Variants in NUP58 observed in about 807,000 individuals in gnomAD.
NUP58 encodes the protein nucleoporin p58/p45.
In NUP58, 17 loss-of-function variants were observed where a neutral mutation model predicts 70.1. The ratio of observed to expected loss-of-function variants is 0.24; its 90% CI spans 0.17 to 0.36. The LOEUF is 0.36. Ranked by LOEUF, NUP58 falls within the 10% of genes least tolerant of loss-of-function variation. The probability of loss-of-function intolerance (pLI) is 1.00; values close to 1 mark genes in which losing one functional copy is unlikely to be tolerated. For synonymous variants in NUP58, 275 were observed against 257.6 expected, an observed-to-expected ratio of 1.07 and a Z score of -0.65; for missense variants, 644 against 701.5, an observed-to-expected ratio of 0.92 and a Z score of 0.93.
At chr13:25,304,647 G>C (rs953257864) in intron 1 of NUP58, among the ~76,000 whole-genome samples, 3 of 150,646 alleles carry the variant, frequency 2.0e-5, no homozygotes, top group Non-Finnish European at 4.4e-5. Context: ...CTCCCAAATA[G>C]CTGGGATTAC....
At chr13:25,329,909 A>G (rs2031543383) in intron 12 of NUP58, among the ~76,000 whole-genome samples, 1 of 152,090 alleles carries the variant, frequency 6.6e-6, no homozygotes, top group Non-Finnish European at 1.5e-5. Context: ...TGCAGCCTCA[A>G]TCTCCTGGGC....
rs2031162465 is a variant in NUP58, at chr13:25,321,071, A to G, written c.929A>G (p.Lys310Arg). 3.1e-6 allele frequency: 5 copies of G among 1,588,120 alleles called. No individual in the cohort carries two copies. The highest frequency in any genetic ancestry group is 1.9e-5 in the Admixed American group (1 of 52,804). ...GIQRNTLNID[K>R]LKIETAQELK... ...CAGAGAAACACTCTCAACATTGACA[A>G]ATTGAAAATAGAAACTGCTCAGGTA... Residue 310 changes from lysine (K) to arginine (R), a missense_variant, in exon 9 of 16, where the codon AAA becomes AGA. By Grantham distance (26) the Lys-to-Arg change is conservative. Coordinates refer to ENST00000381736, the MANE Select transcript of NUP58 (RefSeq NM_014089.4).
chr13:25,312,244 A>C (rs906048167), intron 3 of NUP58, among the ~76,000 whole-genome samples: 1 of 152,200 alleles, frequency 6.6e-6, no homozygotes, highest in African/African-American at 2.4e-5. Context: ...GGTTATTGAT[A>C]GAGTATTAGA....
At chr13:25,305,334 TTTTG>T (rs2030294217) in intron 1 of NUP58, among the ~76,000 whole-genome samples, 1 of 151,816 alleles carries the variant, frequency 6.6e-6, no homozygotes, top group African/African-American at 2.4e-5. Context: ...TTTGGAAGTT[TTTTG>T]TTGTTGTTTT....
intron 12 of NUP58, 121 bp downstream of exon 12, chr13:25,327,633 G>C: frequency 1.8e-4 from 101 of 564,600 alleles, no homozygotes; most frequent in Middle Eastern, 3.6e-4. Context: ...GTGAAAAGAT[G>C]AAAACTACTA....
At chr13:25,301,990 G>C in intron 1 of NUP58, 110 bp downstream of exon 1, 1 of 719,256 alleles carries the variant, frequency 1.4e-6, no homozygotes, top group African/African-American at 1.8e-5. Flanking sequence ...CTTCCCAGTG[G>C]GGCTGGAGAG....
intron 2 of NUP58, 23 bp downstream of exon 2, chr13:25,307,971 G>A: frequency 6.2e-7 from 1 of 1,611,744 alleles, no homozygotes; most frequent in Non-Finnish European, 8.5e-7. Context: ...TGATCACATT[G>A]TCAGAGAGTA....
chr13:25,323,412 A>C (rs1440152043), intron 9 of NUP58, among the ~76,000 whole-genome samples: 1 of 151,970 alleles, frequency 6.6e-6, no homozygotes, highest in African/African-American at 2.4e-5. Flanking sequence ...CATGCTCACC[A>C]GGTCAAAGGG....
chr13:25,330,966 A>G (rs954732287), intron 12 of NUP58, among the ~76,000 whole-genome samples: 6 of 151,986 alleles, frequency 3.9e-5, no homozygotes, highest in Admixed American at 1.3e-4. Flanking sequence ...TCAAAAGGCT[A>G]TGAAAAGGTT....
At chr13:25,325,472 T>A (rs1169550438) in intron 10 of NUP58, among the ~76,000 whole-genome samples, 1 of 152,230 alleles carries the variant, frequency 6.6e-6, no homozygotes, top group Non-Finnish European at 1.5e-5. Flanking sequence ...TCACTCAGCT[T>A]GTATATATAC....
rs540897913 is a variant in NUP58, at chr13:25,325,126, A to T, written c.1031+58A>T. ...CTCACTTTCAGAAAGCAGAACAGTA[A>T]TAATAGTATACAAACTAAATATTTT... On this transcript the variant is annotated intron_variant, in intron 10 of 15. Transcript: ENST00000381736. The T allele has an allele frequency of 3.0e-4, 359 of 1,184,380 alleles. No homozygotes were observed. In the East Asian group the frequency reaches 7.3e-3, roughly 24 times the overall value. 73.4% of individuals were successfully genotyped at this position (1,184,380 alleles called of 1,614,324 possible). A position where few individuals can be genotyped will look rare whatever the true frequency, so the allele number is the denominator to read the frequency against.
At chr13:25,335,196 T>A in intron 13 of NUP58, 2 of 985,168 alleles carry the variant, frequency 2.0e-6, no homozygotes, top group Non-Finnish European at 2.4e-6. Context: ...TGATGTGCAA[T>A]GGAAAGTCTT....
intron 5 of NUP58, 65 bp from the exon 6 acceptor site, chr13:25,315,292 T>G: frequency 1.7e-6 from 2 of 1,153,130 alleles, no homozygotes; most frequent in Non-Finnish European, 1.3e-6. Context: ...TTAGAGTCCT[T>G]TGATCAGTAA....
intron 1 of NUP58, among the ~76,000 whole-genome samples, chr13:25,304,187 C>T (rs1257890773): frequency 6.6e-6 from 1 of 152,018 alleles, no homozygotes; most frequent in African/African-American, 2.4e-5. Flanking sequence ...ACCAAGTCTG[C>T]ATTAGGGCAA....
At chr13:25,316,734 T>G (rs1343199030) in intron 6 of NUP58, among the ~76,000 whole-genome samples, 1 of 152,184 alleles carries the variant, frequency 6.6e-6, no homozygotes, top group Non-Finnish European at 1.5e-5. Context: ...TTCTCTATTA[T>G]AATTGTTTTT....
intron 3 of NUP58, among the ~76,000 whole-genome samples, chr13:25,311,417 A>C (rs570393536): frequency 9.2e-5 from 14 of 152,126 alleles, no homozygotes; most frequent in African/African-American, 3.4e-4. Flanking sequence ...GTCTTGTTGC[A>C]CAGGCTGGAG....
At chr13:25,313,822 C>G in intron 5 of NUP58, 71 bp downstream of exon 5, 1 of 1,268,192 alleles carries the variant, frequency 7.9e-7, no homozygotes, top group Non-Finnish European at 1.0e-6. Flanking sequence ...TATTTTAGTA[C>G]TTTGAGCAGG....
At chr13:25,331,596 A>G in intron 13 of NUP58, 38 bp downstream of exon 13, 1 of 1,595,000 alleles carries the variant, frequency 6.3e-7, no homozygotes, top group Non-Finnish European at 8.6e-7. Flanking sequence ...TTACTGTTCC[A>G]ATGCAGAACA....
chr13:25,310,004 C>A (rs751042907), intron 3 of NUP58: 5 of 402,864 alleles, frequency 1.2e-5, no homozygotes, highest in South Asian at 8.9e-5. Flanking sequence ...ACTGGATCAG[C>A]TGCAAACACA....
Sources: allele counts gnomAD v4.1 joint callset (sites outside exome capture counted in the v4.1 genomes callset), GRCh38; gene constraint gnomAD v4.1.1; transcripts MANE v1.5; gene names NCBI Gene and HGNC (gene_info 2026-07-23, HGNC 2026-07-21).